Variants in PLCL1 observed in about 807,000 individuals in gnomAD.
PLCL1 encodes inactive phospholipase C-like protein 1.
In PLCL1, 41 loss-of-function variants were observed where a neutral mutation model predicts 84.4. That is an observed-to-expected ratio of 0.49 (90% CI 0.38 to 0.63). The LOEUF (loss-of-function observed/expected upper bound fraction) is 0.63. Ranked by LOEUF, PLCL1 falls within the 30% of genes least tolerant of loss-of-function variation. The pLI is 0.00. For synonymous variants in PLCL1, 490 were observed against 488.3 expected (o/e 1.00, Z -0.05); for missense variants, 1,206 against 1,367.8 (o/e 0.88, Z 1.87).
chr2:197,842,276 G>A (rs1379356898), intron 1 of PLCL1, among the ~76,000 whole-genome samples: 1 of 152,048 alleles, frequency 6.6e-6, no homozygotes, highest in Non-Finnish European at 1.5e-5. Flanking sequence ...ACTTCTCCTT[G>A]ATGCCTCCTT....
chr2:197,834,533 C>CAA (rs1691140650), intron 1 of PLCL1, among the ~76,000 whole-genome samples: 1 of 152,142 alleles, frequency 6.6e-6, no homozygotes, highest in African/African-American at 2.4e-5. Context: ...ATGTGGCCAA[C>CAA]AAACATACGA....
chr2:197,813,160 T>C (rs1178839477), intron 1 of PLCL1, among the ~76,000 whole-genome samples: 1 of 152,172 alleles, frequency 6.6e-6, no homozygotes, highest in African/African-American at 2.4e-5. Flanking sequence ...AAAAGGGTAA[T>C]GGCATCAGAA....
intron 1 of PLCL1, among the ~76,000 whole-genome samples, chr2:198,056,910 A>C (rs1262749924): frequency 6.6e-6 from 1 of 152,156 alleles, no homozygotes; most frequent in South Asian, 2.1e-4. Context: ...TTCCATTTCA[A>C]TCAACGCTAT....
rs751620288 is a variant in PLCL1, at chr2:198,147,858, T to A, written c.*896T>A. 4 of 152,312 alleles carry A rather than the reference T, an allele frequency of 2.6e-5. No individual in the cohort carries two copies. Among genetic ancestry groups the A allele is most frequent in the African/African-American group, 4.8e-5 (2 of 41,438 alleles). The allele number at this position is 152,312 out of a possible 1,614,324, so 9.4% of individuals were successfully genotyped here. ...TCTAGCACTCATTTTCTATAACAGA[T>A]ATGGCAGCTTAGAGGTGTTGGCTTT... On this transcript the variant is annotated 3_prime_UTR_variant, in exon 6 of 6. Transcript: ENST00000428675.
chr2:198,034,847 T>C (rs777408895), intron 1 of PLCL1, among the ~76,000 whole-genome samples: 1 of 152,204 alleles, frequency 6.6e-6, no homozygotes, highest in African/African-American at 2.4e-5. Flanking sequence ...TCTTCGGTAT[T>C]TCGTTGTTTT....
At chr2:197,897,674 A>G (rs1314332781) in intron 1 of PLCL1, among the ~76,000 whole-genome samples, 1 of 152,208 alleles carries the variant, frequency 6.6e-6, no homozygotes, top group Non-Finnish European at 1.5e-5. Flanking sequence ...CCAAAAACAT[A>G]AAGATTGCTG....
intron 1 of PLCL1, among the ~76,000 whole-genome samples, chr2:198,023,936 A>G (rs1218544208): frequency 1.3e-5 from 2 of 152,198 alleles, no homozygotes; most frequent in Non-Finnish European, 2.9e-5. Flanking sequence ...TACTATAAAG[A>G]CACATGCACA....
At chr2:197,855,841 A>G (rs929700036) in intron 1 of PLCL1, among the ~76,000 whole-genome samples, 5 of 152,094 alleles carry the variant, frequency 3.3e-5, no homozygotes, top group Non-Finnish European at 5.9e-5. Flanking sequence ...GTTAATGTCT[A>G]TGCTTTTAAT....
intron 1 of PLCL1, among the ~76,000 whole-genome samples, chr2:197,868,186 C>T (rs1687583607): frequency 6.6e-6 from 1 of 152,152 alleles, no homozygotes. Flanking sequence ...CATATGCTTG[C>T]TTATGAATAT....
In PLCL1 at chr2:197,963,246, T is replaced by G. The variant is rs117088271; in HGVS notation, c.241-120512T>G. Among the ~76,000 whole-genome samples, 646 of 152,216 alleles carry G rather than the reference T, an allele frequency of 4.2e-3. 45 individuals are homozygous for G. The East Asian group carries it at 0.11, about 25-fold the overall frequency. On this transcript the variant is annotated intron_variant, in intron 1 of 5. Coordinates refer to ENST00000428675, the MANE Select transcript of PLCL1 (RefSeq NM_006226.4). ...CTTTTCTTCACATCCTTGTCAGCAT[T>G]TGTTATTGACTGAATTTGGTTAAAA...
At chr2:197,893,588 G>A (rs777590758) in intron 1 of PLCL1, among the ~76,000 whole-genome samples, 6 of 152,298 alleles carry the variant, frequency 3.9e-5, no homozygotes. Flanking sequence ...GAAGGCTGAG[G>A]CTCAGAGAAG....
At chr2:198,054,811 A>G (rs942676773) in intron 1 of PLCL1, among the ~76,000 whole-genome samples, 3 of 152,220 alleles carry the variant, frequency 2.0e-5, no homozygotes, top group Non-Finnish European at 4.4e-5. Context: ...GATAGTTCAT[A>G]GTGGGGATGG....
At chr2:197,945,367 C>A (rs1490759865) in intron 1 of PLCL1, among the ~76,000 whole-genome samples, 1 of 152,032 alleles carries the variant, frequency 6.6e-6, no homozygotes, top group Non-Finnish European at 1.5e-5. Flanking sequence ...GATACGTATG[C>A]TTTTTAGGGG....
chr2:198,011,474 G>A (rs1308031391), intron 1 of PLCL1, among the ~76,000 whole-genome samples: 1 of 151,880 alleles, frequency 6.6e-6, no homozygotes, highest in African/African-American at 2.4e-5. Flanking sequence ...ATTGGAGAAG[G>A]TATTTTATAT....
At chr2:197,973,421 T>G (rs372283998) in intron 1 of PLCL1, among the ~76,000 whole-genome samples, 1 of 152,216 alleles carries the variant, frequency 6.6e-6, no homozygotes, top group Non-Finnish European at 1.5e-5. Context: ...AACATTTATG[T>G]ATAGTTTATT....
intron 1 of PLCL1, among the ~76,000 whole-genome samples, chr2:198,080,534 C>T (rs1482153814): frequency 6.6e-6 from 1 of 152,158 alleles, no homozygotes; most frequent in African/African-American, 2.4e-5. Context: ...ATCTCCCCTC[C>T]TCCCAACCTG....
chr2:198,121,824 A>C (rs778036527), intron 5 of PLCL1, among the ~76,000 whole-genome samples: 48 of 151,978 alleles, frequency 3.2e-4, no homozygotes, highest in Non-Finnish European at 4.4e-4. Context: ...CTGGACTGGC[A>C]ATTTGCTTTT....
At chr2:197,824,857 A>G (rs1180672591) in intron 1 of PLCL1, among the ~76,000 whole-genome samples, 1 of 152,148 alleles carries the variant, frequency 6.6e-6, no homozygotes, top group African/African-American at 2.4e-5. Flanking sequence ...GTCCAAAACG[A>G]TGCTCTGTAA....
chr2:197,987,283 A>G (rs753673105), intron 1 of PLCL1, among the ~76,000 whole-genome samples: 4 of 152,202 alleles, frequency 2.6e-5, no homozygotes, highest in East Asian at 1.9e-4. Flanking sequence ...TTAAACAATT[A>G]CATGGATTTA....
Sources: gnomAD v4.1 joint callset for allele counts (sites outside exome capture counted in the v4.1 genomes callset) on GRCh38, gnomAD v4.1.1 for gene constraint, MANE v1.5 for transcripts, NCBI Gene and HGNC (gene_info 2026-07-23, HGNC 2026-07-21) for gene names.